DAB1: variants seen among roughly 807,000 people sequenced by gnomAD.
The protein encoded by DAB1 is disabled homolog 1.
Under a neutral mutation model 64.6 loss-of-function variants are expected in DAB1, and 15 were observed. The observed-to-expected ratio is 0.23, with a 90% CI of 0.16 to 0.36. The LOEUF (loss-of-function observed/expected upper bound fraction) is 0.36. Among genes scored for constraint, DAB1 ranks in the 10% least tolerant of loss-of-function variants. The pLI is 1.00. For missense variants in DAB1, 596 were observed against 706.7 expected (o/e 0.84, Z 1.78); for synonymous variants, 235 against 251.9 (o/e 0.93, Z 0.64).
intron 3 of DAB1, among the ~76,000 whole-genome samples, chr1:58,490,812 T>C (rs1360954155): frequency 0.012 from 1,599 of 131,364 alleles, 53 homozygotes; most frequent in African/African-American, 0.043. Context: ...TTTTTTTTTT[T>C]TTTTTTTTTT....
chr1:58,504,960 CTT>C (rs879552920), intron 3 of DAB1, among the ~76,000 whole-genome samples: 1 of 146,154 alleles, frequency 6.8e-6, no homozygotes. Flanking sequence ...AAAGATACTT[CTT>C]TTTTTTTTTT....
intron 5 of DAB1, among the ~76,000 whole-genome samples, chr1:57,997,034 T>C (rs1557250): frequency 0.52 from 78,193 of 151,686 alleles, 20,701 homozygotes; most frequent in East Asian, 0.75. Context: ...TAAACTATCT[T>C]TCTCAAATAA....
At chr1:57,209,556 T>G (rs1665847685) in intron 2 of DAB1, among the ~76,000 whole-genome samples, 1 of 152,178 alleles carries the variant, frequency 6.6e-6, no homozygotes, top group Non-Finnish European at 1.5e-5. Context: ...ACTCCACACC[T>G]TTGTTTTTCA....
chr1:57,010,687 T>C lies in DAB1; in HGVS notation c.*8A>G. Reference sequence around the variant, plus strand: ...AAAAGGACAGATACCTACCCAGACCTGCGCTATCTAGCTACCGGCCTGTGG... The same window carrying C: ...AAAAGGACAGATACCTACCCAGACCCGCGCTATCTAGCTACCGGCCTGTGG... On this transcript the variant is annotated 3_prime_UTR_variant, in exon 14 of 15. Coordinates refer to ENST00000371236, the MANE Select transcript of DAB1 (RefSeq NM_001365792.1). The C allele has an allele frequency of 6.5e-7, 1 of 1,538,478 alleles. No homozygotes were observed. The highest frequency in any genetic ancestry group is 8.8e-7 in the Non-Finnish European group (1 of 1,136,328).
At chr1:57,517,189 T>C (rs933962140) in intron 7 of DAB1, among the ~76,000 whole-genome samples, 1 of 152,066 alleles carries the variant, frequency 6.6e-6, no homozygotes, top group Non-Finnish European at 1.5e-5. Flanking sequence ...TGAGGCAGGG[T>C]CTTGCTCTGT....
At chr1:57,526,188 G>A (rs1474111799) in intron 7 of DAB1, among the ~76,000 whole-genome samples, 1 of 152,056 alleles carries the variant, frequency 6.6e-6, no homozygotes, top group Non-Finnish European at 1.5e-5. Flanking sequence ...CACCCACCTT[G>A]GCCTCCCACA....
At chr1:57,206,813 T>G (rs995582294) in intron 2 of DAB1, among the ~76,000 whole-genome samples, 1 of 152,116 alleles carries the variant, frequency 6.6e-6, no homozygotes, top group South Asian at 2.1e-4. Context: ...GACCTGGAAT[T>G]AAACCCTGAT....
intron 3 of DAB1, among the ~76,000 whole-genome samples, chr1:58,412,924 A>G (rs909883396): frequency 4.6e-5 from 7 of 152,240 alleles, no homozygotes; most frequent in Admixed American, 1.3e-4. Context: ...TGAATGTTAC[A>G]TGCTTTGTAA....
intron 6 of DAB1, among the ~76,000 whole-genome samples, chr1:57,712,327 A>G (rs1195156407): frequency 1.3e-5 from 2 of 152,224 alleles, no homozygotes; most frequent in African/African-American, 4.8e-5. Context: ...AAATAGCTAA[A>G]GACTCGATGC....
At chr1:57,819,001 T>A (rs1219853351) in intron 6 of DAB1, among the ~76,000 whole-genome samples, 1 of 152,078 alleles carries the variant, frequency 6.6e-6, no homozygotes, top group African/African-American at 2.4e-5. Flanking sequence ...ATTTAGTAAA[T>A]TTTTTTAAAA....
intron 7 of DAB1, among the ~76,000 whole-genome samples, chr1:57,490,742 T>C (rs767609204): frequency 2.8e-4 from 43 of 152,056 alleles, no homozygotes; most frequent in Non-Finnish European, 5.6e-4. Context: ...AAACAACGAG[T>C]GATGGAGCTT....
chr1:57,658,210 ACTT>A (rs1558582948), intron 6 of DAB1, among the ~76,000 whole-genome samples: 2 of 151,840 alleles, frequency 1.3e-5, no homozygotes, highest in Admixed American at 6.5e-5. Context: ...GTTTTCCAGA[ACTT>A]CTTCTACCCC....
At chr1:58,106,920 T>TTTCC (rs972513606) in intron 5 of DAB1, among the ~76,000 whole-genome samples, 6 of 136,750 alleles carry the variant, frequency 4.4e-5, no homozygotes, top group Non-Finnish European at 7.7e-5. Context: ...TTCCTCCTCC[T>TTTCC]TTCCTTCCTT....
At chr1:58,390,985 G>A (rs747324771) in intron 3 of DAB1, among the ~76,000 whole-genome samples, 44 of 152,234 alleles carry the variant, frequency 2.9e-4, no homozygotes, top group Admixed American at 3.3e-4. Flanking sequence ...TAACGCATTC[G>A]TCATCTGAAA....
chr1:57,521,437 C>T (rs561401981), intron 7 of DAB1, among the ~76,000 whole-genome samples: 1 of 149,888 alleles, frequency 6.7e-6, no homozygotes, highest in South Asian at 2.1e-4. Flanking sequence ...GGGGGCTGAA[C>T]GACAAGTTTT....
chr1:58,035,469 A>T (rs534493624), intron 5 of DAB1, among the ~76,000 whole-genome samples: 1 of 152,356 alleles, frequency 6.6e-6, no homozygotes, highest in African/African-American at 2.4e-5. Context: ...CTCCATTACA[A>T]TCCTTACAAC....
At chr1:57,582,358 G>A (rs1356356939) in intron 7 of DAB1, among the ~76,000 whole-genome samples, 1 of 152,156 alleles carries the variant, frequency 6.6e-6, no homozygotes, top group Non-Finnish European at 1.5e-5. Context: ...CAGGTCTTGT[G>A]AGAACTCACT....
At chr1:57,336,131 C>T (rs1049932911) in intron 1 of DAB1, among the ~76,000 whole-genome samples, 3 of 152,122 alleles carry the variant, frequency 2.0e-5, no homozygotes, top group Non-Finnish European at 4.4e-5. Context: ...GCCCAATTTT[C>T]GAAATTTCCC....
At chr1:58,498,048 A>G (rs762135796) in intron 3 of DAB1, among the ~76,000 whole-genome samples, 2 of 152,140 alleles carry the variant, frequency 1.3e-5, no homozygotes, top group Non-Finnish European at 2.9e-5. Context: ...CCTCCCCTAT[A>G]AGGCCCTGAT....
Sources: gnomAD v4.1 joint callset for allele counts (sites outside exome capture counted in the v4.1 genomes callset) on GRCh38, gnomAD v4.1.1 for gene constraint, MANE v1.5 for transcripts, NCBI Gene and HGNC (gene_info 2026-07-23, HGNC 2026-07-21) for gene names.